INTS1: variants seen among roughly 807,000 people sequenced by gnomAD.
INTS1 encodes the protein integrator complex subunit 1.
Under a neutral mutation model 241.6 loss-of-function variants are expected in INTS1, and 137 were observed. The ratio of observed to expected loss-of-function variants is 0.57; its 90% CI spans 0.49 to 0.65. The LOEUF (loss-of-function observed/expected upper bound fraction) is 0.65. Among genes scored for constraint, INTS1 ranks in the 30% least tolerant of loss-of-function variants. INTS1 has a pLI of 0.00. For missense variants in INTS1, 3,073 were observed against 3,032.2 expected, an observed-to-expected ratio of 1.01 and a Z score of -0.32; for synonymous variants, 1,692 against 1,337.8, an observed-to-expected ratio of 1.26 and a Z score of -5.78.
Position 1,500,186 on chromosome 7 carries a change from G to C in INTS1, c.530C>G (p.Thr177Ser). 3 of 1,591,114 alleles carry C rather than the reference G, an allele frequency of 1.9e-6. No individual in the cohort carries two copies. The highest frequency in any genetic ancestry group is 1.7e-6 in the Non-Finnish European group (2 of 1,164,376). Residue 177 changes from threonine to serine, a missense_variant, in exon 4 of 48, where the codon ACT becomes AGT. Thr to Ser is a moderately conservative substitution (Grantham distance 58). Coordinates refer to ENST00000404767, the MANE Select transcript of INTS1 (RefSeq NM_001080453.3). Reference protein sequence around the residue: ...LAKIKPNIFATEGVIEALCSL... With the variant: ...LAKIKPNIFASEGVIEALCSL... Reference sequence around the variant, plus strand: ...GGCTCAAACCTCAATGACGCCCTCAGTGGCGAAGATGTTGGGCTTGATCTT... The same window carrying C: ...GGCTCAAACCTCAATGACGCCCTCACTGGCGAAGATGTTGGGCTTGATCTT...
At chr7:1,487,593 G>A (rs1782334298) in intron 19 of INTS1, 144 bp from the exon 20 acceptor site, 1 of 1,287,924 alleles carries the variant, frequency 7.8e-7, no homozygotes, top group African/African-American at 1.5e-5. Context: ...CCCAAGGCCT[G>A]GCCCCACAGC....
Position 1,470,970 on chromosome 7 carries a change from C to A in INTS1, c.6348-15G>T. 6.5e-7 allele frequency: 1 copy of A among 1,548,158 alleles called. No individual in the cohort carries two copies. The highest frequency in any genetic ancestry group is 8.7e-7 in the Non-Finnish European group (1 of 1,144,448). On this transcript the variant is annotated splice_polypyrimidine_tract_variant and intron_variant, in intron 46 of 47. Coordinates refer to ENST00000404767, the MANE Select transcript of INTS1 (RefSeq NM_001080453.3). Reference sequence around the variant, plus strand: ...CGGCTGCAATGCTGAAAGACCCACACACTTCAGTGGGAACCTCCACCCTGT... The same window carrying A: ...CGGCTGCAATGCTGAAAGACCCACAAACTTCAGTGGGAACCTCCACCCTGT...
chr7:1,491,895 T>C (rs1422323406), intron 16 of INTS1, among the ~76,000 whole-genome samples: 1 of 152,104 alleles, frequency 6.6e-6, no homozygotes, highest in Non-Finnish European at 1.5e-5. Flanking sequence ...AGAGCAAGAC[T>C]CCGTTCCCCA....
intron 2 of INTS1, among the ~76,000 whole-genome samples, 179 bp from the exon 3 acceptor site, chr7:1,503,370 G>T (rs1314635959): frequency 2.0e-5 from 3 of 152,226 alleles, no homozygotes; most frequent in Non-Finnish European, 2.9e-5. Context: ...ACGCACAGGT[G>T]ATGGTGGACA....
Position 1,470,386 on chromosome 7 carries a change from C to T in INTS1, c.*191G>A, listed in dbSNP as rs549843857. ...GGTGAATGAGGGCTTGCTGGACGGC[C>T]CCTGATGCCAGCGGCCGGCCCGGAG... On this transcript the variant is annotated 3_prime_UTR_variant, in exon 48 of 48. Transcript: ENST00000404767. 4 of 525,328 alleles carry T rather than the reference C, an allele frequency of 7.6e-6. No homozygotes were observed. The South Asian group carries it at 1.1e-4, about 14-fold the overall frequency. 32.5% of individuals were successfully genotyped at this position (525,328 alleles called of 1,614,324 possible).
intron 40 of INTS1, 88 bp downstream of exon 40, chr7:1,474,617 A>G: frequency 6.9e-7 from 1 of 1,443,864 alleles, no homozygotes. Flanking sequence ...TTGTTTTTGG[A>G]GTTTTGCTCT....
At chr7:1,503,404 C>T (rs955214886) in intron 2 of INTS1, among the ~76,000 whole-genome samples, 1 of 152,206 alleles carries the variant, frequency 6.6e-6, no homozygotes, top group African/African-American at 2.4e-5. Flanking sequence ...AACCACAAAC[C>T]AGGCCATCTC....
chr7:1,484,058 G>T lies in INTS1; in HGVS notation c.3374C>A (p.Ser1125Ter). ...CTGCCGCATGCGCCTCACGTAGCGT[G>T]AGAAGATGGACAACAGAGCGCTCAG... is the stretch of plus-strand genomic sequence containing the variant. ...AVLSALLSIF[S>*]RYVRRMRQSK... Residue 1125 changes from serine to a stop codon, truncating the protein, a stop_gained, in exon 25 of 48, where the codon TCA becomes TAA. Coordinates refer to ENST00000404767, the MANE Select transcript of INTS1 (RefSeq NM_001080453.3). LOFTEE classifies it high-confidence loss of function. 6.2e-7 allele frequency: 1 copy of T among 1,612,468 alleles called. No individual in the cohort carries two copies. The highest frequency in any genetic ancestry group is 8.5e-7 in the Non-Finnish European group (1 of 1,179,728).
At position 1,499,158 on chromosome 7, in the gene INTS1, G is replaced by T; in HGVS notation, c.954C>A (p.Tyr318Ter). ...CCTCCACGCTCTCCGCGAGCTCTTC[G>T]TACCTAGGCCAGAGGAGGGAGCGAG... is the stretch of plus-strand genomic sequence containing the variant. ...PEQEGQLMPR[Y>*]EELAESVEEY... Residue 318 changes from tyrosine to a stop codon, truncating the protein, a stop_gained, in exon 8 of 48, where the codon TAC (tyrosine) becomes TAA (stop). Transcript: ENST00000404767. LOFTEE classifies it high-confidence loss of function. 1 of 1,608,746 alleles carries T rather than the reference G, an allele frequency of 6.2e-7. No homozygotes were observed. Among genetic ancestry groups the T allele is most frequent in the Non-Finnish European group, 8.5e-7 (1 of 1,177,730 alleles).
In INTS1 at chr7:1,496,188, G is replaced by T; in HGVS notation, c.1679C>A (p.Ala560Asp). 6.2e-7 allele frequency: 1 copy of T among 1,613,826 alleles called. No individual in the cohort carries two copies. Among genetic ancestry groups the T allele is most frequent in the Non-Finnish European group, 8.5e-7 (1 of 1,179,788 alleles). ...TTCTCCTTTGTCCCAGGCGATGCCGGCCTCCTTCACCTGCGCTGTGATGCC... is the reference window on the plus strand; with the variant it reads ...TTCTCCTTTGTCCCAGGCGATGCCGTCCTCCTTCACCTGCGCTGTGATGCC... ...MLGITAQVKE[A>D]GIAWDKGEKR... The change falls in exon 12 of 48, where the codon GCC (alanine) becomes GAC (aspartate). Residue 560 changes from alanine to aspartate, a missense_variant. Physicochemically the swap from Ala to Asp is moderately radical, Grantham distance 126 (BLOSUM62 -2). Coordinates refer to ENST00000404767, the MANE Select transcript of INTS1 (RefSeq NM_001080453.3).
At chr7:1,483,644 C>A (rs1384883268) in intron 26 of INTS1, 98 bp downstream of exon 26, 1 of 933,606 alleles carries the variant, frequency 1.1e-6, no homozygotes, top group East Asian at 2.5e-5. Flanking sequence ...GGGCTTCCCG[C>A]CCAGAAGCAA....
intron 39 of INTS1, 126 bp from the exon 40 acceptor site, chr7:1,474,964 C>T: frequency 1.6e-6 from 2 of 1,279,392 alleles, no homozygotes; most frequent in East Asian, 2.6e-5. Flanking sequence ...GGAACTGGCT[C>T]CTTACGGCTT....
At chr7:1,502,869 G>C (rs558535284) in intron 3 of INTS1, 32 bp downstream of exon 3, 15 of 1,610,462 alleles carry the variant, frequency 9.3e-6, no homozygotes, top group Admixed American at 1.7e-5. Context: ...GAGCTGAGGG[G>C]TGTTCTCGGG....
In INTS1 at chr7:1,474,595, T is replaced by A. The variant is rs1049023869; in HGVS notation, c.5636+110A>T. On this transcript the variant is annotated intron_variant, in intron 40 of 47. Transcript: ENST00000404767. ...CGGTCAAGCTCAGCCCATGGGAACA[T>A]GCTTTTTTTTGTTGTTTTTGGAGTT... 4.3e-6 allele frequency: 6 copies of A among 1,397,556 alleles called. No individual in the cohort carries two copies. In the African/African-American group the frequency reaches 7.2e-5, roughly 17 times the overall value. 86.6% of individuals were successfully genotyped at this position (1,397,556 alleles called of 1,614,324 possible).
chr7:1,474,667 AC>A, intron 40 of INTS1, 37 bp downstream of exon 40: 3 of 1,541,184 alleles, frequency 1.9e-6, no homozygotes, highest in Non-Finnish European at 2.6e-6. Context: ...CCCTGGTTAA[AC>A]CAGTGTCTGG....
intron 44 of INTS1, among the ~76,000 whole-genome samples, chr7:1,472,010 C>T (rs1055519593): frequency 6.6e-6 from 1 of 152,312 alleles, no homozygotes; most frequent in African/African-American, 2.4e-5. Flanking sequence ...CCTCTTCCTG[C>T]TGTACCCCCA....
intron 30 of INTS1, among the ~76,000 whole-genome samples, chr7:1,480,046 C>T (rs1023312371): frequency 4.6e-5 from 7 of 152,266 alleles, no homozygotes; most frequent in South Asian, 2.1e-4. Flanking sequence ...GGGTGCCCCG[C>T]GCAGAGGGGT....
At position 1,481,512 on chromosome 7, in the gene INTS1, C is replaced by A; in HGVS notation, c.3704-24G>T. On this transcript the variant is annotated intron_variant, in intron 27 of 47. Coordinates refer to ENST00000404767, the MANE Select transcript of INTS1 (RefSeq NM_001080453.3). This position sits in a 1 kb window ranked among gnomAD's most constrained non-coding sequence, Gnocchi z 6.8. ...GGCTGAGGGTGCACGCGCTCCGTAA[C>A]GCCACCCAAAACCCGGGCAATGCGC... The A allele has an allele frequency of 5.7e-6, 9 of 1,587,716 alleles. No homozygotes were observed. The highest frequency in any genetic ancestry group is 2.2e-5 in the South Asian group (2 of 89,270).
chr7:1,472,299 C>T lies in INTS1; in HGVS notation c.6158G>A (p.Arg2053Gln), dbSNP rs1007524829. Residue 2053 changes from arginine (R) to glutamine (Q), a missense_variant, in exon 44 of 48, where the codon CGG (arginine) becomes CAG (glutamine). Physicochemically the swap from Arg to Gln is conservative, Grantham distance 43. Coordinates refer to ENST00000404767, the MANE Select transcript of INTS1 (RefSeq NM_001080453.3). ...TAAEMAPYMKRLSRGQTVEDL... is the reference protein window; with the variant it reads ...TAAEMAPYMKQLSRGQTVEDL... ...CTCCACCGTTTGGCCCCGGGAAAGCCGTTTCATGTAGGGGGCCATCTCGGC... is the reference window on the plus strand; with the variant it reads ...CTCCACCGTTTGGCCCCGGGAAAGCTGTTTCATGTAGGGGGCCATCTCGGC... 7 of 1,561,998 alleles carry T rather than the reference C, an allele frequency of 4.5e-6. No individual in the cohort carries two copies. In the African/African-American group the frequency reaches 5.4e-5, roughly 12 times the overall value.
Sources: allele counts gnomAD v4.1 joint callset (sites outside exome capture counted in the v4.1 genomes callset), GRCh38; gene constraint gnomAD v4.1.1; non-coding constraint Gnocchi (gnomAD v3.1); transcripts MANE v1.5; gene names NCBI Gene and HGNC (gene_info 2026-07-23, HGNC 2026-07-21).